ABTB3: variants seen among roughly 807,000 people sequenced by gnomAD.
ABTB3 encodes the protein ankyrin repeat and BTB domain containing 3.
the ABTB3 span, chr12:107,581,097 C>T: frequency 6.5e-7 from 1 of 1,545,462 alleles, no homozygotes; most frequent in African/African-American, 1.4e-5. Flanking sequence ...AGCCGGCAGC[C>T]CCTGCCTCCG....
At chr12:107,353,316 G>A in the ABTB3 span, among the ~76,000 whole-genome samples, 1 of 152,154 alleles carries the variant, frequency 6.6e-6, no homozygotes, top group East Asian at 1.9e-4. Context: ...TCACTAGTGG[G>A]GTGGTAATAA....
At chr12:107,415,956 G>A in the ABTB3 span, among the ~76,000 whole-genome samples, 1 of 151,918 alleles carries the variant, frequency 6.6e-6, no homozygotes, top group Admixed American at 6.6e-5. Flanking sequence ...GATGTCAGAT[G>A]ACTATGGAAT....
chr12:107,617,463 G>A, the ABTB3 span: 6 of 1,610,586 alleles, frequency 3.7e-6, no homozygotes, highest in South Asian at 6.6e-5. Flanking sequence ...CAAAGCCAGA[G>A]GTCCCGAGTG....
chr12:107,580,934 A>G, the ABTB3 span: 1 of 1,551,608 alleles, frequency 6.4e-7, no homozygotes, highest in Non-Finnish European at 8.7e-7. Context: ...CAAGGATTCC[A>G]GAGAGCCTGC....
At chr12:107,589,334 A>C in the ABTB3 span, among the ~76,000 whole-genome samples, 1 of 152,206 alleles carries the variant, frequency 6.6e-6, no homozygotes, top group Non-Finnish European at 1.5e-5. Flanking sequence ...GGTAGCCCTC[A>C]CTGAGATCTG....
the ABTB3 span, among the ~76,000 whole-genome samples, chr12:107,515,629 G>C: frequency 5.9e-5 from 9 of 152,266 alleles, 1 homozygote; most frequent in East Asian, 1.7e-3. Flanking sequence ...TTAATGTCTT[G>C]GCAGGTGGGC....
At chr12:107,458,971 G>A in the ABTB3 span, among the ~76,000 whole-genome samples, 1 of 152,308 alleles carries the variant, frequency 6.6e-6, no homozygotes, top group Admixed American at 6.5e-5. Flanking sequence ...GAACAGGGGG[G>A]CCTGCCTCCT....
At chr12:107,624,709 C>A in the ABTB3 span, among the ~76,000 whole-genome samples, 2 of 152,152 alleles carry the variant, frequency 1.3e-5, no homozygotes, top group Non-Finnish European at 2.9e-5. Flanking sequence ...AATAGATGTA[C>A]CCCAGTTTGT....
the ABTB3 span, among the ~76,000 whole-genome samples, chr12:107,464,771 G>A: frequency 1.5e-3 from 231 of 152,294 alleles, 1 homozygote; most frequent in Non-Finnish European, 3.0e-3. Context: ...TCGAGCAGTG[G>A]TTCTCTATCA....
At chr12:107,590,906 C>T in the ABTB3 span, among the ~76,000 whole-genome samples, 4 of 152,270 alleles carry the variant, frequency 2.6e-5, no homozygotes, top group Middle Eastern at 6.8e-3. Context: ...TGCTTATTTC[C>T]TCAGGCCAGC....
chr12:107,570,179 C>T, the ABTB3 span, among the ~76,000 whole-genome samples: 1 of 152,188 alleles, frequency 6.6e-6, no homozygotes, highest in Non-Finnish European at 1.5e-5. Flanking sequence ...AACCAGCAGC[C>T]TCTGCCACAG....
At chr12:107,413,379 G>A in the ABTB3 span, among the ~76,000 whole-genome samples, 2 of 152,200 alleles carry the variant, frequency 1.3e-5, no homozygotes, top group African/African-American at 4.8e-5. Flanking sequence ...CAAGTAGCTT[G>A]CCTAAGGCCA....
the ABTB3 span, among the ~76,000 whole-genome samples, chr12:107,410,201 C>T: frequency 8.0e-6 from 1 of 124,554 alleles, no homozygotes; most frequent in Admixed American, 8.6e-5. Flanking sequence ...ACTTTGTAAG[C>T]AAGTAAATAA....
At chr12:107,645,986 C>G in the ABTB3 span, among the ~76,000 whole-genome samples, 1 of 152,238 alleles carries the variant, frequency 6.6e-6, no homozygotes, top group Admixed American at 6.5e-5. Context: ...GCAGGAGGCT[C>G]CCAGGGGCCG....
chr12:107,502,227 G>T, the ABTB3 span, among the ~76,000 whole-genome samples: 1 of 151,954 alleles, frequency 6.6e-6, no homozygotes, highest in Non-Finnish European at 1.5e-5. Context: ...GCCTTGCCTG[G>T]CTAATTTTTG....
the ABTB3 span, chr12:107,319,177 G>C: frequency 6.3e-7 from 1 of 1,597,536 alleles, no homozygotes; most frequent in Non-Finnish European, 8.5e-7. Flanking sequence ...ACTCCGAGGG[G>C]CTGGACTGCG....
chr12:107,482,981 TTTCTTTCCTTCCTTCC>T, the ABTB3 span, among the ~76,000 whole-genome samples: 26 of 33,672 alleles, frequency 7.7e-4, 1 homozygote, highest in African/African-American at 2.4e-3. Flanking sequence ...TCTTTCTTTC[TTTCTTTCCTTCCTTCC>T]TTCCTTCCTT....
the ABTB3 span, among the ~76,000 whole-genome samples, chr12:107,334,482 C>T: frequency 2.2e-4 from 33 of 152,126 alleles, no homozygotes; most frequent in South Asian, 4.4e-3. Context: ...TTAACTGAGA[C>T]GGGAAATACC....
At chr12:107,653,482 A>C in the ABTB3 span, among the ~76,000 whole-genome samples, 3 of 150,408 alleles carry the variant, frequency 2.0e-5, no homozygotes, top group Admixed American at 2.0e-4. Flanking sequence ...GCGCCACTGC[A>C]CTCCAGCCTG....
Sources: allele counts gnomAD v4.1 joint callset (sites outside exome capture counted in the v4.1 genomes callset), GRCh38; gene constraint gnomAD v4.1.1; transcripts MANE v1.5; gene names NCBI Gene and HGNC (gene_info 2026-07-23, HGNC 2026-07-21).